The following NEK10 variants were observed in gnomAD, a reference collection of about 807,000 sequenced individuals.
The protein encoded by NEK10 is serine/threonine-protein kinase Nek10.
NEK10 carries 122 observed loss-of-function variants against 159.8 expected under a neutral mutation model. That is an observed-to-expected ratio of 0.76 (90% CI 0.66 to 0.89). The LOEUF is 0.89. Ranked by LOEUF, NEK10 falls within the 40% of genes least tolerant of loss-of-function variation. The pLI, the probability that NEK10 is intolerant of heterozygous loss-of-function variation, is 0.00. For synonymous variants in NEK10, 466 were observed against 457.1 expected, an observed-to-expected ratio of 1.02 and a Z score of -0.25; for missense variants, 1,342 against 1,323.1, an observed-to-expected ratio of 1.01 and a Z score of -0.22.
intron 22 of NEK10, among the ~76,000 whole-genome samples, chr3:27,276,255 T>C (rs371698521): frequency 6.6e-6 from 1 of 151,980 alleles, no homozygotes; most frequent in East Asian, 1.9e-4. Context: ...AATAAGCCAG[T>C]GTTTTCAATA....
chr3:27,165,403 T>C (rs1266542448), intron 29 of NEK10, among the ~76,000 whole-genome samples: 1 of 152,196 alleles, frequency 6.6e-6, no homozygotes, highest in Non-Finnish European at 1.5e-5. Context: ...TGAACCACAT[T>C]GAATGTTTAT....
chr3:27,140,777 C>T (rs1040347900), intron 31 of NEK10, among the ~76,000 whole-genome samples: 1 of 152,130 alleles, frequency 6.6e-6, no homozygotes, highest in African/African-American at 2.4e-5. Flanking sequence ...GCATCTGGCA[C>T]ATAGTAGGCA....
chr3:27,202,076 A>G (rs11924009), intron 24 of NEK10, among the ~76,000 whole-genome samples: 67,966 of 151,904 alleles, frequency 0.45, 15,392 homozygotes, highest in Middle Eastern at 0.57. Context: ...GCTTGAGCCC[A>G]GGAGGCGGAG....
intron 24 of NEK10, among the ~76,000 whole-genome samples, 165 bp downstream of exon 24, chr3:27,202,263 A>G (rs947769169): frequency 1.5e-4 from 23 of 152,222 alleles, no homozygotes; most frequent in African/African-American, 5.5e-4. Flanking sequence ...TACATGAGAT[A>G]TATATTTAGA....
intron 25 of NEK10, among the ~76,000 whole-genome samples, chr3:27,196,639 G>A (rs1025986515): frequency 6.6e-6 from 1 of 152,056 alleles, no homozygotes; most frequent in Non-Finnish European, 1.5e-5. Flanking sequence ...CCATAGCCAG[G>A]GTCTATTAGT....
chr3:27,197,751 G>T (rs1343256929), intron 25 of NEK10, among the ~76,000 whole-genome samples: 2 of 151,620 alleles, frequency 1.3e-5, no homozygotes, highest in Non-Finnish European at 2.9e-5. Flanking sequence ...CTATATGGAT[G>T]CCCTTTCTTT....
At chr3:27,345,686 C>T (rs892591984) in intron 4 of NEK10, among the ~76,000 whole-genome samples, 3 of 152,196 alleles carry the variant, frequency 2.0e-5, no homozygotes, top group Non-Finnish European at 4.4e-5. Flanking sequence ...AACTGAAAAC[C>T]TCAGTTGTTT....
chr3:27,284,795 G>T, intron 21 of NEK10, 45 bp downstream of exon 21: 1 of 1,551,112 alleles, frequency 6.4e-7, no homozygotes, highest in Non-Finnish European at 8.9e-7. Flanking sequence ...AGCCAGCTCA[G>T]AACATTACTG....
intron 26 of NEK10, among the ~76,000 whole-genome samples, chr3:27,177,283 C>T (rs1355017350): frequency 1.3e-5 from 2 of 152,132 alleles, no homozygotes; most frequent in African/African-American, 4.8e-5. Flanking sequence ...GTGGCTCACT[C>T]CTGCAATTCC....
At chr3:27,329,400 C>T (rs1308995525) in intron 5 of NEK10, among the ~76,000 whole-genome samples, 1 of 152,154 alleles carries the variant, frequency 6.6e-6, no homozygotes, top group East Asian at 1.9e-4. Flanking sequence ...TTAGGAAAGG[C>T]CAGGTTTCAC....
intron 30 of NEK10, among the ~76,000 whole-genome samples, chr3:27,156,978 A>ATATG (rs1945530591): frequency 1.7e-5 from 2 of 115,846 alleles, no homozygotes. Context: ...ATATATATAT[A>ATATG]TGATGAAATA....
chr3:27,365,610 G>GGT (rs2049009370), intron 1 of NEK10, among the ~76,000 whole-genome samples: 10 of 99,106 alleles, frequency 1.0e-4, no homozygotes, highest in South Asian at 3.7e-4. Context: ...TTTTTTTTGT[G>GGT]TTTTTTTTTT....
chr3:27,334,838 G>A (rs1181959874), intron 5 of NEK10, among the ~76,000 whole-genome samples: 8 of 152,058 alleles, frequency 5.3e-5, no homozygotes, highest in Admixed American at 2.0e-4. Context: ...AAAAAGAAAG[G>A]AAATATGACA....
chr3:27,267,388 T>A (rs2040985438), intron 22 of NEK10, among the ~76,000 whole-genome samples: 1 of 152,194 alleles, frequency 6.6e-6, no homozygotes, highest in Admixed American at 6.5e-5. Context: ...ACTTTGCAAA[T>A]ATTGCATTCT....
intron 23 of NEK10, among the ~76,000 whole-genome samples, chr3:27,218,540 G>A (rs1251170138): frequency 1.3e-5 from 2 of 149,210 alleles, no homozygotes; most frequent in African/African-American, 2.5e-5. Flanking sequence ...GGGAAGCGGA[G>A]GTTGCAGTGA....
rs1379027594 is a variant in NEK10, at chr3:27,304,878, C to G, written c.897G>C (p.Leu299=). The G allele has an allele frequency of 6.2e-7, 1 of 1,613,576 alleles. No individual in the cohort carries two copies. The highest frequency in any genetic ancestry group is 8.5e-7 in the Non-Finnish European group (1 of 1,179,534). ...GGAGCTTCAAGTGGTCAGAGTGGAGCAGACTGAGGAGGACCGGTATCCCCT... is the reference window on the plus strand; with the variant it reads ...GGAGCTTCAAGTGGTCAGAGTGGAGGAGACTGAGGAGGACCGGTATCCCCT... The part of the protein sequence containing the change: ...LYEGIPVLLS[L]LHSDHLKLLW... The change falls in exon 12 of 36, where the codon CTG becomes CTC. Residue 299 remains leucine, a synonymous_variant. Coordinates refer to ENST00000691995, the MANE Select transcript of NEK10 (RefSeq NM_001394966.1).
chr3:27,147,329 T>C (rs527845578), intron 30 of NEK10, among the ~76,000 whole-genome samples: 1 of 152,258 alleles, frequency 6.6e-6, no homozygotes, highest in Admixed American at 6.5e-5. Flanking sequence ...ATATGATGCA[T>C]GGACAATGGA....
chr3:27,290,581 A>C (rs754953401), intron 19 of NEK10, 36 bp downstream of exon 19: 76 of 1,493,762 alleles, frequency 5.1e-5, no homozygotes, highest in Middle Eastern at 1.7e-4. Context: ...ACATGTATTT[A>C]AGAAAAACAT....
intron 25 of NEK10, 65 bp from the exon 26 acceptor site, chr3:27,192,307 G>A: frequency 8.1e-7 from 1 of 1,229,646 alleles, no homozygotes; most frequent in Non-Finnish European, 1.2e-6. Flanking sequence ...AGAGTGTAAA[G>A]GGTCAAGGTT....
Sources: gnomAD v4.1 joint callset for allele counts (sites outside exome capture counted in the v4.1 genomes callset) on GRCh38, gnomAD v4.1.1 for gene constraint, MANE v1.5 for transcripts, NCBI Gene and HGNC (gene_info 2026-07-23, HGNC 2026-07-21) for gene names.